The following DENND5B variants were observed in gnomAD, a reference collection of about 807,000 sequenced individuals.
DENND5B encodes DENN domain containing 5B.
In DENND5B, 34 loss-of-function variants were observed where a neutral mutation model predicts 140.6. That is an observed-to-expected ratio of 0.24 (90% CI 0.18 to 0.32). The LOEUF is 0.32. Ranked by LOEUF, DENND5B falls within the 10% of genes least tolerant of loss-of-function variation. The probability of loss-of-function intolerance (pLI) is 1.00; values close to 1 mark genes in which losing one functional copy is unlikely to be tolerated. For synonymous variants in DENND5B, 551 were observed against 562.1 expected (o/e 0.98, Z 0.28); for missense variants, 1,142 against 1,560.2 (o/e 0.73, Z 4.52).
At chr12:31,583,975 T>G (rs1009386373) in intron 1 of DENND5B, among the ~76,000 whole-genome samples, 1 of 152,242 alleles carries the variant, frequency 6.6e-6, no homozygotes, top group African/African-American at 2.4e-5. Flanking sequence ...TAAAGCATCC[T>G]GTATAGAACC....
At chr12:31,470,901 G>A in intron 3 of DENND5B, among the ~76,000 whole-genome samples, 1 of 152,190 alleles carries the variant, frequency 6.6e-6, no homozygotes, top group Middle Eastern at 3.2e-3. Context: ...GCCACTCATG[G>A]GATGGAGCAG....
chr12:31,570,736 C>T (rs1949793873), intron 1 of DENND5B, among the ~76,000 whole-genome samples: 2 of 151,942 alleles, frequency 1.3e-5, no homozygotes, highest in African/African-American at 2.4e-5. Flanking sequence ...GAGAAATGCA[C>T]ATCTGTCCTT....
At chr12:31,438,549 T>C (rs140532301) in intron 7 of DENND5B, among the ~76,000 whole-genome samples, 3 of 152,128 alleles carry the variant, frequency 2.0e-5, no homozygotes, top group Admixed American at 6.5e-5. Context: ...AATGTAAGAC[T>C]GTAAAAAGGA....
chr12:31,499,650 G>C, intron 1 of DENND5B: 1 of 1,502,044 alleles, frequency 6.7e-7, no homozygotes, highest in Non-Finnish European at 8.8e-7. Flanking sequence ...ATGACGATCT[G>C]CTTCTAGCCA....
chr12:31,530,215 A>G (rs992087284), intron 1 of DENND5B, among the ~76,000 whole-genome samples: 1 of 152,118 alleles, frequency 6.6e-6, no homozygotes, highest in Non-Finnish European at 1.5e-5. Context: ...TCTACTAAAA[A>G]TACAAAAATT....
chr12:31,486,860 G>A (rs1483823079), intron 2 of DENND5B, among the ~76,000 whole-genome samples: 1 of 152,108 alleles, frequency 6.6e-6, no homozygotes, highest in Non-Finnish European at 1.5e-5. Context: ...TATTTATTGT[G>A]GAGAAGCAAT....
Position 31,396,924 on chromosome 12 carries a change from C to A in DENND5B, c.3256+1251G>T, listed in dbSNP as rs533242318. ...TACATATGATGGCATTTAGGGTCCA[C>A]GTAGATGTGATCCAGGACAATCTCC... On this transcript the variant is annotated intron_variant, in intron 17 of 20. Coordinates refer to ENST00000389082, the MANE Select transcript of DENND5B (RefSeq NM_144973.4). Among the ~76,000 whole-genome samples, 12 of 152,210 alleles carry A rather than the reference C, an allele frequency of 7.9e-5. No individual in the cohort carries two copies. The South Asian group carries it at 2.5e-3, about 32-fold the overall frequency.
intron 1 of DENND5B, among the ~76,000 whole-genome samples, chr12:31,532,613 G>A (rs752938249): frequency 1.3e-5 from 2 of 152,168 alleles, no homozygotes; most frequent in Admixed American, 6.5e-5. Context: ...GAATGATAGA[G>A]AGAAGCAGGT....
intron 19 of DENND5B, among the ~76,000 whole-genome samples, chr12:31,390,468 A>G (rs1277417430): frequency 2.6e-5 from 4 of 151,528 alleles, no homozygotes; most frequent in African/African-American, 9.7e-5. Context: ...GTGAAACCCC[A>G]TCTCTACTAA....
In DENND5B at chr12:31,440,932, C is replaced by T. The variant is rs543655436; in HGVS notation, c.2012+1843G>A. On this transcript the variant is annotated intron_variant, in intron 7 of 20. Coordinates refer to ENST00000389082, the MANE Select transcript of DENND5B (RefSeq NM_144973.4). Reference sequence around the variant, plus strand: ...TGTATTTTTAGTAGAGACGGGGTTTCGCCACATTGGCCAGGCTGGTCTTTA... The same window carrying T: ...TGTATTTTTAGTAGAGACGGGGTTTTGCCACATTGGCCAGGCTGGTCTTTA... Among the ~76,000 whole-genome samples the T allele has an allele frequency of 3.9e-5, 6 of 152,236 alleles. No homozygotes were observed. In the South Asian group the frequency reaches 6.2e-4, roughly 16 times the overall value.
intron 1 of DENND5B, among the ~76,000 whole-genome samples, chr12:31,551,196 G>C (rs1592031529): frequency 6.6e-6 from 1 of 152,012 alleles, no homozygotes; most frequent in South Asian, 2.1e-4. Flanking sequence ...ATGGTTTTAG[G>C]TCTAACATTT....
At chr12:31,471,928 T>G (rs1945580501) in intron 3 of DENND5B, among the ~76,000 whole-genome samples, 2 of 152,164 alleles carry the variant, frequency 1.3e-5, no homozygotes, top group Non-Finnish European at 2.9e-5. Context: ...GAAGGGAGAC[T>G]GCCCAATTCC....
At chr12:31,494,841 T>A (rs527339514) in intron 2 of DENND5B, among the ~76,000 whole-genome samples, 161 of 152,308 alleles carry the variant, frequency 1.1e-3, no homozygotes, top group South Asian at 5.2e-3. Context: ...TATTTAAACC[T>A]CAGAAAATTC....
At chr12:31,589,255 T>G (rs1950514940) in intron 1 of DENND5B, among the ~76,000 whole-genome samples, 1 of 152,158 alleles carries the variant, frequency 6.6e-6, no homozygotes, top group Admixed American at 6.5e-5. Context: ...TCTCCAAATC[T>G]CTCTGCAGAC....
intron 2 of DENND5B, among the ~76,000 whole-genome samples, chr12:31,487,543 A>C (rs1946357924): frequency 6.6e-6 from 1 of 152,116 alleles, no homozygotes; most frequent in African/African-American, 2.4e-5. Context: ...TCTACTAAAA[A>C]TACAAAAAAT....
At chr12:31,451,044 T>C (rs1363078170) in intron 5 of DENND5B, among the ~76,000 whole-genome samples, 1 of 152,222 alleles carries the variant, frequency 6.6e-6, no homozygotes, top group Non-Finnish European at 1.5e-5. Flanking sequence ...TAAAACTTAA[T>C]TTAGTCACTC....
At chr12:31,574,673 C>A (rs966665861) in intron 1 of DENND5B, among the ~76,000 whole-genome samples, 17 of 152,086 alleles carry the variant, frequency 1.1e-4, no homozygotes, top group Non-Finnish European at 2.1e-4. Context: ...TGTTTTCTAC[C>A]AACTTCTATC....
chr12:31,399,791 A>C lies in DENND5B; in HGVS notation c.2950-19T>G. Reference sequence around the variant, plus strand: ...TCTGGCACTGTAGGGACAGGACCTTAGGTTATTTAGTACCCAATCCCATCC... The same window carrying C: ...TCTGGCACTGTAGGGACAGGACCTTCGGTTATTTAGTACCCAATCCCATCC... On this transcript the variant is annotated intron_variant, in intron 15 of 20. Coordinates refer to ENST00000389082, the MANE Select transcript of DENND5B (RefSeq NM_144973.4). 3 of 1,594,494 alleles carry C rather than the reference A, an allele frequency of 1.9e-6. No homozygotes were observed. Among genetic ancestry groups the C allele is most frequent in the Non-Finnish European group, 2.6e-6 (3 of 1,163,882 alleles).
chr12:31,569,996 C>T (rs567372401), intron 1 of DENND5B, among the ~76,000 whole-genome samples: 1 of 152,006 alleles, frequency 6.6e-6, no homozygotes, highest in Admixed American at 6.6e-5. Context: ...GAGATCGAGA[C>T]CATCCTGGCT....
Sources: allele counts gnomAD v4.1 joint callset (sites outside exome capture counted in the v4.1 genomes callset), GRCh38; gene constraint gnomAD v4.1.1; transcripts MANE v1.5; gene names NCBI Gene and HGNC (gene_info 2026-07-23, HGNC 2026-07-21).